The following GCN1 variants were observed in gnomAD, a reference collection of about 807,000 sequenced individuals.
GCN1 encodes the protein GCN1 activator of EIF2AK4, also known as stalled ribosome sensor GCN1.
Under a neutral mutation model 288.4 loss-of-function variants are expected in GCN1, and 90 were observed. The ratio of observed to expected loss-of-function variants is 0.31; its 90% CI spans 0.26 to 0.37. The LOEUF is 0.37. GCN1 is among the 10% of genes least tolerant of loss of function. The pLI is 1.00. For missense variants in GCN1, 2,586 were observed against 3,419.9 expected, an observed-to-expected ratio of 0.76 and a Z score of 6.08; for synonymous variants, 1,386 against 1,420.2, an observed-to-expected ratio of 0.98 and a Z score of 0.54.
chr12:120,170,057 G>T, intron 15 of GCN1, 112 bp downstream of exon 15: 1 of 895,562 alleles, frequency 1.1e-6, no homozygotes, highest in Non-Finnish European at 1.8e-6. Context: ...CAAACCTGTG[G>T]CTGATCCAGT....
intron 34 of GCN1, 79 bp downstream of exon 34, chr12:120,151,066 G>A (rs887033948): frequency 1.3e-5 from 20 of 1,512,722 alleles, no homozygotes; most frequent in Middle Eastern, 1.7e-4. Context: ...CACCTGGGGC[G>A]CCACGGTCAG....
intron 14 of GCN1, among the ~76,000 whole-genome samples, chr12:120,171,860 T>C (rs1023475158): frequency 6.6e-6 from 1 of 152,182 alleles, no homozygotes; most frequent in African/African-American, 2.4e-5. Flanking sequence ...AATGCAGCAA[T>C]AATGCAAACT....
At position 120,158,166 on chromosome 12, in the gene GCN1, G is replaced by A. The variant is rs1877813372; in HGVS notation, c.2906-136C>T. The A allele has an allele frequency of 7.5e-6, 6 of 798,964 alleles. No homozygotes were observed. The highest frequency in any genetic ancestry group is 3.4e-4 in the Middle Eastern group (1 of 2,942). 49.5% of individuals were successfully genotyped at this position (798,964 alleles called of 1,614,324 possible). ...TCTGACACCTGGAAGCACATGGCAC[G>A]AGGACAGAGACAGCAGCTGGTAGTC... is the stretch of plus-strand genomic sequence containing the variant. On this transcript the variant is annotated intron_variant, in intron 25 of 57. Transcript: ENST00000300648. The surrounding 1 kb of genome is among the most constrained non-coding windows in gnomAD (Gnocchi z 4.3).
chr12:120,173,787 G>A lies in GCN1; in HGVS notation c.1232C>T (p.Ala411Val). Residue 411 changes from alanine (A) to valine (V), a missense_variant, in exon 14 of 58, where the codon GCT becomes GTT. By Grantham distance (64) the Ala-to-Val change is moderately conservative. This residue lies in a region of GCN1 where 913 missense variants were observed against 1,107.0 expected (regional missense o/e 0.82). Transcript: ENST00000300648. ...GTLVHAVSVLALWCNRFTMEV... is the reference protein window; with the variant it reads ...GTLVHAVSVLVLWCNRFTMEV... Reference sequence around the variant, plus strand: ...CATAGTGAATCGGTTACACCAGAGAGCCAGGACTGAGACAGCGTGTACCAA... The same window carrying A: ...CATAGTGAATCGGTTACACCAGAGAACCAGGACTGAGACAGCGTGTACCAA... 1 of 1,613,976 alleles carries A rather than the reference G, an allele frequency of 6.2e-7. No individual in the cohort carries two copies. Among genetic ancestry groups the A allele is most frequent in the Non-Finnish European group, 8.5e-7 (1 of 1,179,834 alleles).
At chr12:120,184,063 T>C (rs773421455) in intron 4 of GCN1, 49 bp downstream of exon 4, 1 of 1,529,590 alleles carries the variant, frequency 6.5e-7, no homozygotes, top group South Asian at 1.2e-5. Context: ...CAGCTTCTCC[T>C]GAGCAGGACT....
rs767022817 is a variant in GCN1, at chr12:120,163,154, C to A, written c.1954G>T (p.Gly652Cys). Residue 652 changes from glycine (G) to cysteine (C), a missense_variant, in exon 19 of 58, where the codon GGT becomes TGT. Coordinates refer to ENST00000300648, the MANE Select transcript of GCN1 (RefSeq NM_006836.2). ...VLQEALCVIS[G>C]VPGLKGDVTD... is the part of the protein sequence containing the mutation. The stretch of plus-strand genomic sequence containing the variant: ...ACATCACCCTTGAGCCCTGGCACAC[C>A]GGAGATGACACACAGAGCCTCCTGC... The A allele has an allele frequency of 6.2e-7, 1 of 1,614,086 alleles. No homozygotes were observed. Among genetic ancestry groups the A allele is most frequent in the East Asian group, 2.2e-5 (1 of 44,896 alleles).
Position 120,137,298 on chromosome 12 carries a change from A to G in GCN1, c.6685T>C (p.Leu2229=). Reference sequence around the variant, plus strand: ...TTGTGCAGCTCTTCAATGAGTGCCAACTGGTTGCCAGCATCCAGCTTCTGC... The same window carrying G: ...TTGTGCAGCTCTTCAATGAGTGCCAGCTGGTTGCCAGCATCCAGCTTCTGC... ...ITKKLDAGNQ[L]ALIEELHKEI... The change falls in exon 50 of 58, where the codon TTG becomes CTG. Residue 2229 remains leucine (L), a synonymous_variant. Transcript: ENST00000300648. The surrounding 1 kb of genome is among the most constrained non-coding windows in gnomAD (Gnocchi z 5.2). 1 of 1,614,014 alleles carries G rather than the reference A, an allele frequency of 6.2e-7. No homozygotes were observed. Among genetic ancestry groups the G allele is most frequent in the Non-Finnish European group, 8.5e-7 (1 of 1,179,912 alleles).
rs1878964849 is a variant in GCN1, at chr12:120,190,319, C to G, written c.100G>C (p.Gly34Arg). 1.3e-6 allele frequency: 2 copies of G among 1,582,220 alleles called. No homozygotes were observed. Among genetic ancestry groups the G allele is most frequent in the Middle Eastern group, 1.7e-4 (1 of 6,026 alleles). Residue 34 changes from glycine (G) to arginine (R), a missense_variant, in exon 2 of 58, where the codon GGG becomes CGG. This residue lies in a region of GCN1 where 913 missense variants were observed against 1,107.0 expected (regional missense o/e 0.82). Transcript: ENST00000300648. The part of the protein sequence containing the change: ...KERREILSEL[G>R]KCVAGKDLPE... The stretch of plus-strand genomic sequence containing the variant: ...ATACCTTTTCCAGCAACACACTTCC[C>G]AAGTTCACTGAGGATTTCTCTCCGT...
intron 5 of GCN1, among the ~76,000 whole-genome samples, chr12:120,180,604 A>C (rs1878624560): frequency 6.6e-6 from 1 of 150,534 alleles, no homozygotes; most frequent in Non-Finnish European, 1.5e-5. Context: ...ACTCTGTCTC[A>C]AAAAAAAACA....
At chr12:120,164,560 T>C in intron 17 of GCN1, 65 bp from the exon 18 acceptor site, 13 of 1,598,754 alleles carry the variant, frequency 8.1e-6, no homozygotes, top group Middle Eastern at 1.7e-4. Flanking sequence ...CAGCCAACCC[T>C]TCCACCTGCC....
Position 120,173,057 on chromosome 12 carries a change from CTT to C in GCN1, c.1366+594_1366+595del, listed in dbSNP as rs963596285. 6.9e-4 allele frequency among the ~76,000 whole-genome samples: 90 copies of C among 130,244 alleles called. No individual in the cohort carries two copies. In the South Asian group the frequency reaches 0.018, roughly 26 times the overall value. 85.4% of individuals were successfully genotyped at this position (130,244 alleles called of 152,430 possible). A position where few individuals can be genotyped will look rare whatever the true frequency, so the allele number is the denominator to read the frequency against. ...ACGAAGTTGGATTTTTTAAACCAGT[CTT>C]TTTTTTTTTTTTTTTTCCAAGACAG... On this transcript the variant is annotated intron_variant, in intron 14 of 57. Coordinates refer to ENST00000300648, the MANE Select transcript of GCN1 (RefSeq NM_006836.2).
intron 37 of GCN1, among the ~76,000 whole-genome samples, 176 bp downstream of exon 37, chr12:120,147,991 G>C (rs185967479): frequency 1.3e-5 from 2 of 152,188 alleles, no homozygotes; most frequent in Non-Finnish European, 1.5e-5. Context: ...AGTGCACAGG[G>C]ATCTCTTGGA....
chr12:120,153,788 A>G lies in GCN1; in HGVS notation c.3823T>C (p.Cys1275Arg), dbSNP rs1388691955. The G allele has an allele frequency of 6.2e-7, 1 of 1,614,152 alleles. No homozygotes were observed. The highest frequency in any genetic ancestry group is 8.5e-7 in the Non-Finnish European group (1 of 1,180,018). Residue 1275 changes from cysteine (C) to arginine (R), a missense_variant, in exon 32 of 58, where the codon TGC becomes CGC. Coordinates refer to ENST00000300648, the MANE Select transcript of GCN1 (RefSeq NM_006836.2). The surrounding 1 kb of genome is among the most constrained non-coding windows in gnomAD (Gnocchi z 4.4). ...GTTGCGAGGGCTGCATCCAACATGCACTTCCGGACATCTGGGTGTCGGTCA... is the reference window on the plus strand; with the variant it reads ...GTTGCGAGGGCTGCATCCAACATGCGCTTCCGGACATCTGGGTGTCGGTCA... ...LNDRHPDVRK[C>R]MLDAALATLN...
chr12:120,157,925 G>T lies in GCN1; in HGVS notation c.3011C>A (p.Ala1004Asp). ...GACAGTGAGGATCTGAAGAATCTGG[G>T]CCATCCACTCCTCCTCCTCCTCACT... ...HHSEEEEEWM[A>D]QILQILTVQA... The change falls in exon 26 of 58, where the codon GCC becomes GAC. Residue 1004 changes from alanine to aspartate, a missense_variant. Physicochemically the swap from Ala to Asp is moderately radical, Grantham distance 126. This residue lies in a region of GCN1 where 153 missense variants were observed against 252.0 expected (regional missense o/e 0.61). Coordinates refer to ENST00000300648, the MANE Select transcript of GCN1 (RefSeq NM_006836.2). 6.2e-7 allele frequency: 1 copy of T among 1,613,878 alleles called. No individual in the cohort carries two copies. The highest frequency in any genetic ancestry group is 8.5e-7 in the Non-Finnish European group (1 of 1,179,998).
chr12:120,170,342 C>A (rs746575707), intron 14 of GCN1, 21 bp from the exon 15 acceptor site: 2 of 1,611,926 alleles, frequency 1.2e-6, no homozygotes, highest in Non-Finnish European at 1.7e-6. Context: ...AGGACAAGCA[C>A]CTTAAAGGAC....
At chr12:120,165,499 G>A (rs1030687800) in intron 16 of GCN1, among the ~76,000 whole-genome samples, 4 of 151,166 alleles carry the variant, frequency 2.6e-5, no homozygotes, top group African/African-American at 7.3e-5. Flanking sequence ...ACAGAGTCTC[G>A]CTATGTTGCC....
chr12:120,194,550 C>G, intron 1 of GCN1, 130 bp downstream of exon 1: 4 of 900,742 alleles, frequency 4.4e-6, no homozygotes, highest in Non-Finnish European at 6.6e-6. Context: ...CCTGAGACGG[C>G]CCCGAGACTA....
At chr12:120,161,236 A>G (rs1877915186) in intron 22 of GCN1, among the ~76,000 whole-genome samples, 1 of 152,212 alleles carries the variant, frequency 6.6e-6, no homozygotes, top group South Asian at 2.1e-4. Context: ...ACCACTTAGC[A>G]GAGGAGACAC....
In GCN1 at chr12:120,135,659, G is replaced by A. The variant is rs1325874206; in HGVS notation, c.7008+843C>T. On this transcript the variant is annotated intron_variant, in intron 51 of 57. Transcript: ENST00000300648. Reference sequence around the variant, plus strand: ...ATTACAGGCTTGAGCCACCACGCCCGGCTTACTTATTGTTAATTAGGAAAA... The same window carrying A: ...ATTACAGGCTTGAGCCACCACGCCCAGCTTACTTATTGTTAATTAGGAAAA... Among the ~76,000 whole-genome samples the A allele has an allele frequency of 2.6e-5, 4 of 151,548 alleles. No individual in the cohort carries two copies. The South Asian group carries it at 6.4e-4, about 24-fold the overall frequency.
Sources: allele counts gnomAD v4.1 joint callset (sites outside exome capture counted in the v4.1 genomes callset), GRCh38; gene constraint gnomAD v4.1.1; regional missense constraint gnomAD v4.1.1; non-coding constraint Gnocchi (gnomAD v3.1); transcripts MANE v1.5; gene names NCBI Gene and HGNC (gene_info 2026-07-23, HGNC 2026-07-21).